The following OAS1 variants were observed in gnomAD, a reference collection of about 807,000 sequenced individuals.
OAS1 encodes 2'-5'-oligoadenylate synthetase 1.
Under a neutral mutation model 38.5 loss-of-function variants are expected in OAS1, and 24 were observed. The ratio of observed to expected loss-of-function variants is 0.62; its 90% CI spans 0.45 to 0.88. The LOEUF is 0.88. Ranked by LOEUF, OAS1 falls within the 40% of genes least tolerant of loss-of-function variation. OAS1 has a pLI of 0.00. For missense variants in OAS1, 482 were observed against 493.9 expected, an observed-to-expected ratio of 0.98 and a Z score of 0.23; for synonymous variants, 169 against 193.9, an observed-to-expected ratio of 0.87 and a Z score of 1.07.
At chr12:112,918,506 A>T in intron 5 of OAS1, 1 of 369,970 alleles carries the variant, frequency 2.7e-6, no homozygotes, top group South Asian at 2.0e-5. Flanking sequence ...GTAGATACCG[A>T]GTAGTGGGAT....
At chr12:112,912,360 A>G (rs1419914498) in intron 3 of OAS1, among the ~76,000 whole-genome samples, 2 of 152,184 alleles carry the variant, frequency 1.3e-5, no homozygotes. Flanking sequence ...ACAAACAAAC[A>G]AACAAAAACT....
chr12:112,924,809 T>C (rs2043549035), downstream of OAS1, among the ~76,000 whole-genome samples: 1 of 151,932 alleles, frequency 6.6e-6, no homozygotes, highest in Non-Finnish European at 1.5e-5. Context: ...AAAAAAAAAC[T>C]TTTGGGAAGT....
In OAS1 at chr12:112,908,654, A is replaced by C; in HGVS notation, c.299A>C (p.Gln100Pro). 1 of 1,614,196 alleles carries C rather than the reference A, an allele frequency of 6.2e-7. No homozygotes were observed. Among genetic ancestry groups the C allele is most frequent in the South Asian group, 1.1e-5 (1 of 91,084 alleles). ...DQLNRRGEFI[Q>P]EIRRQLEACQ... ...TTAAATCGCCGGGGAGAGTTCATCC[A>C]GGAAATTAGGAGACAGCTGGAAGCC... The change falls in exon 2 of 6, where the codon CAG becomes CCG. Residue 100 changes from glutamine (Q) to proline (P), a missense_variant. Gln to Pro is a moderately conservative substitution (Grantham distance 76). Coordinates refer to ENST00000202917, the MANE Select transcript of OAS1 (RefSeq NM_016816.4).
At chr12:112,917,521 G>A in intron 4 of OAS1, 26 bp from the exon 5 acceptor site, 1 of 1,613,384 alleles carries the variant, frequency 6.2e-7, no homozygotes, top group South Asian at 1.1e-5. Context: ...CTTCTCACCT[G>A]TCCCTCTCTA....
At chr12:112,919,263 G>A in intron 5 of OAS1, 126 bp from the exon 6 acceptor site, 1 of 875,860 alleles carries the variant, frequency 1.1e-6, no homozygotes, top group East Asian at 2.5e-5. Flanking sequence ...CAGCAGCTGG[G>A]GCTTGTTAGT....
chr12:112,929,021 C>T (rs1273860864), intron 6 of OAS1, among the ~76,000 whole-genome samples: 4 of 152,256 alleles, frequency 2.6e-5, no homozygotes, highest in Non-Finnish European at 4.4e-5. Flanking sequence ...CGTCTAACTC[C>T]TGCCTCATCT....
At chr12:112,911,911 T>C (rs764723710) in intron 3 of OAS1, among the ~76,000 whole-genome samples, 4 of 152,248 alleles carry the variant, frequency 2.6e-5, no homozygotes, top group Non-Finnish European at 4.4e-5. Context: ...TCTTAGTCAA[T>C]TTTAACAGTG....
rs769646411 is a variant in OAS1 at position 112,919,532 on chromosome 12, CTG to C, written c.1183_1184del (p.Trp395AspfsTer53). Reference sequence around the variant, plus strand: ...CATCCACCCCACAGGCAGAAGAGGACTGGACCTGCACCATCCTCTGAATGCCA... The same window carrying C: ...CATCCACCCCACAGGCAGAAGAGGACGACCTGCACCATCCTCTGAATGCCA... ...AASTPQAEEDWTCTIL is the reference protein window; with the variant it reads ...AASTPQAEEDXTCTIL On this transcript the variant is annotated frameshift_variant, in exon 6 of 6. Transcript: ENST00000202917. LOFTEE classifies it high-confidence loss of function. 3 of 1,614,092 alleles carry C rather than the reference CTG, an allele frequency of 1.9e-6. No individual in the cohort carries two copies. The highest frequency in any genetic ancestry group is 2.5e-6 in the Non-Finnish European group (3 of 1,180,030).
intron 3 of OAS1, among the ~76,000 whole-genome samples, chr12:112,914,780 T>G (rs1224749839): frequency 6.7e-6 from 1 of 150,102 alleles, no homozygotes; most frequent in Non-Finnish European, 1.5e-5. Flanking sequence ...AGGGTACATG[T>G]GCACAATGTG....
Position 112,909,417 on chromosome 12 carries a change from T to G in OAS1, c.469+593T>G, listed in dbSNP as rs12302271. Among the ~76,000 whole-genome samples, 1,088 of 152,238 alleles carry G rather than the reference T, an allele frequency of 7.1e-3. 9 individuals carry two copies. The highest frequency in any genetic ancestry group is 0.024 in the African/African-American group (995 of 41,544). ...CTCATGCTTGTAATTCCAACACTTT[T>G]GGAGGCTGAGGCAGGAGGGTCGCTT... On this transcript the variant is annotated intron_variant, in intron 2 of 5. Transcript: ENST00000202917.
chr12:112,911,342 T>C (rs1450464441), intron 3 of OAS1, 107 bp downstream of exon 3: 3 of 768,168 alleles, frequency 3.9e-6, no homozygotes, highest in Non-Finnish European at 3.8e-6. Context: ...GGGGGAGTGG[T>C]GGAGGGAAAT....
At chr12:112,909,322 T>A (rs2043344561) in intron 2 of OAS1, among the ~76,000 whole-genome samples, 1 of 152,180 alleles carries the variant, frequency 6.6e-6, no homozygotes, top group Non-Finnish European at 1.5e-5. Flanking sequence ...AAGTGATAAA[T>A]GATCATCTAC....
chr12:112,915,550 T>C (rs1052829881), intron 3 of OAS1, among the ~76,000 whole-genome samples: 4 of 152,222 alleles, frequency 2.6e-5, no homozygotes, highest in African/African-American at 9.6e-5. Flanking sequence ...AGTCTGATAA[T>C]GTAATGCCTC....
chr12:112,907,883 T>G (rs1474381510), intron 1 of OAS1: 2 of 152,452 alleles, frequency 1.3e-5, no homozygotes, highest in African/African-American at 2.4e-5. Context: ...AGATTGCAGC[T>G]GAATGCAAAA....
intron 4 of OAS1, 39 bp downstream of exon 4, chr12:112,916,777 T>C: frequency 6.9e-7 from 1 of 1,445,636 alleles, no homozygotes; most frequent in Non-Finnish European, 9.7e-7. Context: ...CCTATGTAAA[T>C]GAACACCTGG....
downstream of OAS1, among the ~76,000 whole-genome samples, chr12:112,920,803 T>C (rs886735487): frequency 6.6e-6 from 1 of 152,210 alleles, no homozygotes; most frequent in African/African-American, 2.4e-5. Context: ...ATTATATTCT[T>C]CCATTTAGTC....
At chr12:112,930,382 G>T (rs2043590315) in intron 6 of OAS1, among the ~76,000 whole-genome samples, 1 of 152,240 alleles carries the variant, frequency 6.6e-6, no homozygotes, top group Non-Finnish European at 1.5e-5. Flanking sequence ...CAAGTGACCT[G>T]CCCAAGGGCA....
chr12:112,930,068 C>T (rs924371310), intron 6 of OAS1, among the ~76,000 whole-genome samples: 5 of 152,096 alleles, frequency 3.3e-5, no homozygotes, highest in African/African-American at 1.2e-4. Flanking sequence ...CGCCTTGGTG[C>T]TATCCTTATG....
chr12:112,921,006 C>T (rs112836802), downstream of OAS1, among the ~76,000 whole-genome samples: 329 of 152,242 alleles, frequency 2.2e-3, 2 homozygotes, highest in African/African-American at 7.7e-3. Context: ...TTAATGTGTC[C>T]TCATTCATTG....
Sources: gnomAD v4.1 joint callset for allele counts (sites outside exome capture counted in the v4.1 genomes callset) on GRCh38, gnomAD v4.1.1 for gene constraint, MANE v1.5 for transcripts, NCBI Gene and HGNC (gene_info 2026-07-23, HGNC 2026-07-21) for gene names.